The following GABPB2 variants were observed in gnomAD, a reference collection of about 807,000 sequenced individuals.
GABPB2 encodes the protein GA-binding protein subunit beta-2.
GABPB2 carries 23 observed loss-of-function variants against 39.1 expected under a neutral mutation model. That is an observed-to-expected ratio of 0.59 (90% CI 0.42 to 0.83). GABPB2 has a LOEUF of 0.83. GABPB2 is among the 40% of genes least tolerant of loss of function. GABPB2 has a pLI of 0.00. For synonymous variants in GABPB2, 184 were observed against 199.3 expected (o/e 0.92, Z 0.65); for missense variants, 467 against 541.1 (o/e 0.86, Z 1.36).
At position 151,118,192 on chromosome 1, in the gene GABPB2, T is replaced by C; in HGVS notation, c.1283T>C (p.Val428Ala). Residue 428 changes from valine to alanine, a missense_variant, in exon 9 of 9, where the codon GTG becomes GCG. Val to Ala is a moderately conservative substitution (Grantham distance 64). Transcript: ENST00000368918. ...EGELEERETK[V>A]TGSAGTTEPH... ...GAGTTGGAAGAGAGAGAGACAAAAG[T>C]GACTGGGTCAGCAGGGACCACAGAG... The C allele has an allele frequency of 6.2e-7, 1 of 1,614,136 alleles. No homozygotes were observed. The highest frequency in any genetic ancestry group is 1.3e-5 in the African/African-American group (1 of 75,018).
At chr1:151,079,254 T>G (rs1479954961) in intron 1 of GABPB2, among the ~76,000 whole-genome samples, 1 of 151,780 alleles carries the variant, frequency 6.6e-6, no homozygotes, top group Non-Finnish European at 1.5e-5. Context: ...TAAAGAAGAG[T>G]GATAGGCCAG....
Position 151,090,470 on chromosome 1 carries a change from T to C in GABPB2, c.173T>C (p.Leu58Pro). Residue 58 changes from leucine (L) to proline (P), a missense_variant, in exon 3 of 9, where the codon CTT becomes CCT. By Grantham distance (98) the Leu-to-Pro change is moderately conservative. Coordinates refer to ENST00000368918, the MANE Select transcript of GABPB2 (RefSeq NM_144618.3). ...YGHYSTAEVL[L>P]RAGVSRDART... ...CATTATTCCACAGCAGAAGTACTCC[T>C]TCGAGCAGGTGTTAGCAGGGATGCC... 6.2e-7 allele frequency: 1 copy of C among 1,614,124 alleles called. No homozygotes were observed. Among genetic ancestry groups the C allele is most frequent in the Admixed American group, 1.7e-5 (1 of 59,992 alleles).
Position 151,120,007 on chromosome 1 carries a change from TC to T in GABPB2, c.*1753del, listed in dbSNP as rs1681123729. 1 of 151,770 alleles carries T rather than the reference TC, an allele frequency of 6.6e-6. No individual in the cohort carries two copies. The highest frequency in any genetic ancestry group is 1.5e-5 in the Non-Finnish European group (1 of 68,070). The allele number at this position is 151,770 out of a possible 1,614,324, so 9.4% of individuals were successfully genotyped here. ...GAGCGGATCACCTGAGGCCAGGAGT[TC>T]CAGACCAGCCTGACCAACATGGAGA... is the stretch of plus-strand genomic sequence containing the variant. On this transcript the variant is annotated 3_prime_UTR_variant, in exon 9 of 9. Transcript: ENST00000368918.
At chr1:151,071,226 G>A (rs1326635405) in intron 1 of GABPB2, among the ~76,000 whole-genome samples, 2 of 152,172 alleles carry the variant, frequency 1.3e-5, no homozygotes, top group African/African-American at 2.4e-5. Flanking sequence ...CCACTAGGGG[G>A]CGGCGCGGAG....
chr1:151,079,862 C>T (rs1240681749), intron 1 of GABPB2, among the ~76,000 whole-genome samples: 2 of 151,530 alleles, frequency 1.3e-5, no homozygotes, highest in African/African-American at 4.9e-5. Flanking sequence ...CACCATTGCA[C>T]TCTAGCCTGC....
chr1:151,083,048 T>A (rs587708274), intron 1 of GABPB2, among the ~76,000 whole-genome samples: 1 of 152,248 alleles, frequency 6.6e-6, no homozygotes, highest in African/African-American at 2.4e-5. Context: ...ATTTTTCTAT[T>A]CTGTAACCTT....
At position 151,121,797 on chromosome 1, in the gene GABPB2, A is replaced by G. The variant is rs2101585480; in HGVS notation, c.*3541A>G. On this transcript the variant is annotated 3_prime_UTR_variant, in exon 9 of 9. Transcript: ENST00000368918. ...GGAGTTTTTCCCAAAGAAAGGGAAT[A>G]TGGATGGAGAGAGAGAGGTTATGAA... The G allele has an allele frequency of 6.6e-6, 1 of 152,296 alleles. No individual in the cohort carries two copies. The highest frequency in any genetic ancestry group is 2.1e-4 in the South Asian group (1 of 4,826). 9.4% of individuals were successfully genotyped at this position (152,296 alleles called of 1,614,324 possible).
At position 151,122,172 on chromosome 1, in the gene GABPB2, T is replaced by A. The variant is rs1207133903; in HGVS notation, c.*3916T>A. 1 of 152,090 alleles carries A rather than the reference T, an allele frequency of 6.6e-6. No homozygotes were observed. The highest frequency in any genetic ancestry group is 2.4e-5 in the African/African-American group (1 of 41,396). 9.4% of individuals were successfully genotyped at this position (152,090 alleles called of 1,614,324 possible). ...TATTAGAGATTTATAGGCAAAAATA[T>A]CAGTTTGGAAATTAACCTTGGCTAC... On this transcript the variant is annotated 3_prime_UTR_variant, in exon 9 of 9. Coordinates refer to ENST00000368918, the MANE Select transcript of GABPB2 (RefSeq NM_144618.3).
Position 151,122,271 on chromosome 1 carries a change from A to T in GABPB2, c.*4015A>T, listed in dbSNP as rs1411760954. ...CTGAGTACTTAACACTTCCCAGATG[A>T]TTGGAGAATATTCTGGGCTGTTGGG... On this transcript the variant is annotated 3_prime_UTR_variant, in exon 9 of 9. Coordinates refer to ENST00000368918, the MANE Select transcript of GABPB2 (RefSeq NM_144618.3). The T allele has an allele frequency of 1.3e-5, 2 of 152,196 alleles. No individual in the cohort carries two copies. The highest frequency in any genetic ancestry group is 4.8e-5 in the African/African-American group (2 of 41,462). The allele number at this position is 152,196 out of a possible 1,614,324, so 9.4% of individuals were successfully genotyped here. A position where few individuals can be genotyped will look rare whatever the true frequency, so the allele number is the denominator to read the frequency against.
rs1172376301 is a variant in GABPB2 at position 151,090,583 on chromosome 1, G to A, written c.276+10G>A. ...GGAACTGCTTGTTCGGGTAAAGCAA[G>A]AATAGGGGCAAGGTTATGTTGTTAA... On this transcript the variant is annotated intron_variant, in intron 3 of 8. Transcript: ENST00000368918. The A allele has an allele frequency of 1.9e-6, 3 of 1,612,870 alleles. No individual in the cohort carries two copies. The highest frequency in any genetic ancestry group is 2.7e-5 in the African/African-American group (2 of 74,906).
chr1:151,094,274 A>T (rs1420802600), intron 4 of GABPB2, among the ~76,000 whole-genome samples: 1 of 151,404 alleles, frequency 6.6e-6, no homozygotes, highest in Non-Finnish European at 1.5e-5. Flanking sequence ...CTGGTCTCGA[A>T]CTCCTAACTT....
intron 3 of GABPB2, among the ~76,000 whole-genome samples, chr1:151,092,318 G>A (rs1341473957): frequency 6.6e-6 from 1 of 151,252 alleles, no homozygotes; most frequent in African/African-American, 2.4e-5. Flanking sequence ...TGTTGGCCAG[G>A]ATGGTCTACA....
At position 151,120,751 on chromosome 1, in the gene GABPB2, C is replaced by G. The variant is rs1465068601; in HGVS notation, c.*2495C>G. 1 of 139,936 alleles carries G rather than the reference C, an allele frequency of 7.1e-6. No homozygotes were observed. Among genetic ancestry groups the G allele is most frequent in the African/African-American group, 2.5e-5 (1 of 40,038 alleles). 8.7% of individuals were successfully genotyped at this position (139,936 alleles called of 1,614,324 possible). A position where few individuals can be genotyped will look rare whatever the true frequency, so the allele number is the denominator to read the frequency against. ...ATTTATGTAATGTCAAGCTCAGTCT[C>G]TCTTTTTTTTTTTTTTTTTTTTGAG... is the stretch of plus-strand genomic sequence containing the variant. On this transcript the variant is annotated 3_prime_UTR_variant, in exon 9 of 9. Coordinates refer to ENST00000368918, the MANE Select transcript of GABPB2 (RefSeq NM_144618.3).
At chr1:151,074,075 A>G (rs965844042) in intron 1 of GABPB2, among the ~76,000 whole-genome samples, 40 of 132,386 alleles carry the variant, frequency 3.0e-4, no homozygotes, top group Admixed American at 1.5e-3. Context: ...TTCCTAGTTC[A>G]TGCCATTCTC....
chr1:151,106,367 T>A (rs1388969262), intron 6 of GABPB2, among the ~76,000 whole-genome samples: 4 of 151,738 alleles, frequency 2.6e-5, no homozygotes, highest in Admixed American at 2.6e-4. Context: ...AGACAGAGTC[T>A]CGCTCTGTCG....
At chr1:151,081,977 T>C (rs968306038) in intron 1 of GABPB2, among the ~76,000 whole-genome samples, 5 of 152,034 alleles carry the variant, frequency 3.3e-5, no homozygotes, top group Admixed American at 6.6e-5. Context: ...TGTTACAATA[T>C]GTACTTGTCG....
intron 7 of GABPB2, among the ~76,000 whole-genome samples, chr1:151,114,282 G>A (rs1381587151): frequency 1.3e-5 from 2 of 152,036 alleles, no homozygotes; most frequent in Non-Finnish European, 2.9e-5. Context: ...GGTTGAGGCT[G>A]CAGTGAGACA....
intron 7 of GABPB2, 97 bp downstream of exon 7, chr1:151,107,319 GA>G (rs1436108004): frequency 2.7e-6 from 2 of 746,356 alleles, no homozygotes; most frequent in African/African-American, 3.7e-5. Context: ...GTGGAAGTGG[GA>G]GATTGCCAGA....
At chr1:151,093,906 T>G (rs1269771195) in intron 4 of GABPB2, among the ~76,000 whole-genome samples, 1 of 152,074 alleles carries the variant, frequency 6.6e-6, no homozygotes, top group East Asian at 1.9e-4. Flanking sequence ...ATAAGTCAGA[T>G]CACTTTCACA....
Sources: allele counts gnomAD v4.1 joint callset (sites outside exome capture counted in the v4.1 genomes callset), GRCh38; gene constraint gnomAD v4.1.1; transcripts MANE v1.5; gene names NCBI Gene and HGNC (gene_info 2026-07-23, HGNC 2026-07-21).